Variants in FHIT observed in about 807,000 individuals in gnomAD.
FHIT encodes bis(5'-adenosyl)-triphosphatase.
FHIT carries 19 observed loss-of-function variants against 17.9 expected under a neutral mutation model. The observed-to-expected ratio is 1.06, with a 90% CI of 0.74 to 1.56. The LOEUF (loss-of-function observed/expected upper bound fraction) is 1.56, where lower values mean the gene tolerates loss of function less well. Among genes scored for constraint, FHIT ranks in the 40% most tolerant of loss-of-function variants. The pLI is 0.00. For synonymous variants in FHIT, 81 were observed against 69.7 expected (o/e 1.16, Z -0.81); for missense variants, 248 against 189.2 (o/e 1.31, Z -1.82).
At chr3:60,924,086 A>G (rs1707444586) in intron 3 of FHIT, among the ~76,000 whole-genome samples, 1 of 152,126 alleles carries the variant, frequency 6.6e-6, no homozygotes, top group Non-Finnish European at 1.5e-5. Flanking sequence ...GGAGCCCACC[A>G]CAGCTCAAGG....
intron 4 of FHIT, among the ~76,000 whole-genome samples, chr3:60,786,992 A>T (rs1182651991): frequency 7.6e-6 from 1 of 131,880 alleles, no homozygotes; most frequent in African/African-American, 3.2e-5. Context: ...AAAGAGGGAA[A>T]TAAGACAAAA....
chr3:61,141,564 A>C (rs2037082123), intron 2 of FHIT, among the ~76,000 whole-genome samples: 2 of 151,854 alleles, frequency 1.3e-5, no homozygotes, highest in South Asian at 4.2e-4. Flanking sequence ...CACCCAAGCA[A>C]TGAGAATGTG....
intron 2 of FHIT, among the ~76,000 whole-genome samples, chr3:61,044,100 G>A (rs113207327): frequency 4.7e-4 from 72 of 152,316 alleles, no homozygotes; most frequent in South Asian, 2.3e-3. Context: ...GCAGCTGCTC[G>A]CCAGCAAGGG....
At chr3:59,801,204 G>A (rs1245724139) in intron 8 of FHIT, among the ~76,000 whole-genome samples, 1 of 152,032 alleles carries the variant, frequency 6.6e-6, no homozygotes, top group Non-Finnish European at 1.5e-5. Flanking sequence ...TAATCCTTAT[G>A]GCAATCCCAT....
intron 8 of FHIT, among the ~76,000 whole-genome samples, chr3:59,790,815 C>G (rs757200291): frequency 1.1e-4 from 17 of 152,118 alleles, no homozygotes; most frequent in Non-Finnish European, 2.2e-4. Context: ...AGTCCCAGCA[C>G]TAACATAGTC....
chr3:60,496,919 G>C (rs114857806), intron 5 of FHIT, among the ~76,000 whole-genome samples: 2,490 of 151,936 alleles, frequency 0.016, 29 homozygotes, highest in Non-Finnish European at 0.024. Flanking sequence ...CAAACAACAT[G>C]ATTTCCTTTT....
intron 3 of FHIT, among the ~76,000 whole-genome samples, chr3:60,913,722 G>A (rs1410710003): frequency 1.3e-5 from 2 of 152,206 alleles, no homozygotes; most frequent in East Asian, 3.9e-4. Flanking sequence ...GTTCAACACA[G>A]ACTGCAAGAT....
chr3:60,860,705 A>G (rs1240105109), intron 3 of FHIT, among the ~76,000 whole-genome samples: 1 of 114,924 alleles, frequency 8.7e-6, no homozygotes, highest in African/African-American at 3.1e-5. Context: ...ATATGTACAT[A>G]TGTACATATA....
At chr3:60,742,250 C>G (rs2042255101) in intron 4 of FHIT, among the ~76,000 whole-genome samples, 1 of 152,202 alleles carries the variant, frequency 6.6e-6, no homozygotes, top group Non-Finnish European at 1.5e-5. Flanking sequence ...AGCTACTTTT[C>G]ACTTCCAATA....
At chr3:60,141,950 A>T (rs1360824407) in intron 5 of FHIT, among the ~76,000 whole-genome samples, 3 of 152,192 alleles carry the variant, frequency 2.0e-5, no homozygotes, top group Admixed American at 1.3e-4. Context: ...TCAGAGTTTA[A>T]AATGGTATTT....
At chr3:60,206,804 T>C (rs1381995454) in intron 5 of FHIT, among the ~76,000 whole-genome samples, 1 of 151,946 alleles carries the variant, frequency 6.6e-6, no homozygotes, top group Non-Finnish European at 1.5e-5. Context: ...GGCTGCCCTT[T>C]AAAAATCCCC....
rs1199670081 is a variant in FHIT at position 60,573,884 on chromosome 3, A to T, written c.-17-36905T>A. 7.2e-5 allele frequency among the ~76,000 whole-genome samples: 11 copies of T among 151,942 alleles called. No homozygotes were observed. The East Asian group carries it at 2.1e-3, about 29-fold the overall frequency. ...GGGCGCAGTGACGTGATCTCAGCTC[A>T]CTATAACCTCTGCCTCCCAGGTTCA... On this transcript the variant is annotated intron_variant, in intron 4 of 9. Coordinates refer to ENST00000492590, the MANE Select transcript of FHIT (RefSeq NM_002012.4).
intron 7 of FHIT, among the ~76,000 whole-genome samples, chr3:59,932,192 G>A (rs1320646763): frequency 1.3e-5 from 2 of 152,162 alleles, no homozygotes; most frequent in African/African-American, 4.8e-5. Context: ...GCAAGCCTGA[G>A]TAGCTCATCA....
chr3:60,977,732 G>C (rs1040406981), intron 3 of FHIT, among the ~76,000 whole-genome samples: 1 of 152,090 alleles, frequency 6.6e-6, no homozygotes, highest in Non-Finnish European at 1.5e-5. Context: ...TTAGCCAGGT[G>C]TGGTGGCGCA....
intron 1 of FHIT, among the ~76,000 whole-genome samples, chr3:61,225,504 T>C (rs1172746821): frequency 6.6e-6 from 1 of 152,246 alleles, no homozygotes; most frequent in African/African-American, 2.4e-5. Flanking sequence ...AACATGCTTC[T>C]TGTTGTAAAC....
At chr3:61,164,338 G>A (rs1353167464) in intron 2 of FHIT, among the ~76,000 whole-genome samples, 1 of 152,200 alleles carries the variant, frequency 6.6e-6, no homozygotes, top group Non-Finnish European at 1.5e-5. Flanking sequence ...CAGACCAGCA[G>A]TACCTCTTGG....
At chr3:59,858,007 A>C (rs1172596932) in intron 8 of FHIT, among the ~76,000 whole-genome samples, 2 of 152,076 alleles carry the variant, frequency 1.3e-5, no homozygotes, top group East Asian at 3.9e-4. Flanking sequence ...CTTTATGGCC[A>C]GTTGGCTCAG....
chr3:60,938,442 C>T (rs1277622295), intron 3 of FHIT, among the ~76,000 whole-genome samples: 1 of 152,182 alleles, frequency 6.6e-6, no homozygotes, highest in Non-Finnish European at 1.5e-5. Context: ...ATTAAACACA[C>T]TCATGAGACC....
intron 3 of FHIT, among the ~76,000 whole-genome samples, chr3:61,038,966 T>C (rs975693919): frequency 2.0e-5 from 3 of 152,192 alleles, no homozygotes; most frequent in Non-Finnish European, 4.4e-5. Flanking sequence ...TGCATGCACA[T>C]GAAGCCTGCT....
Sources: allele counts gnomAD v4.1 joint callset (sites outside exome capture counted in the v4.1 genomes callset), GRCh38; gene constraint gnomAD v4.1.1; transcripts MANE v1.5; gene names NCBI Gene and HGNC (gene_info 2026-07-23, HGNC 2026-07-21).